Variants in ANGPT1 observed in about 807,000 individuals in gnomAD.
The protein encoded by ANGPT1 is angiopoietin-1.
In ANGPT1, 17 loss-of-function variants were observed where a neutral mutation model predicts 62.2. The observed-to-expected ratio is 0.27, with a 90% confidence interval of 0.19 to 0.41. The LOEUF is 0.41. ANGPT1 is among the 10% of genes least tolerant of loss of function. The pLI is 1.00. For synonymous variants in ANGPT1, 199 were observed against 198.9 expected (o/e 1.00, Z 0.00); for missense variants, 478 against 594.9 (o/e 0.80, Z 2.04).
At chr8:107,371,412 A>T (rs951695336) in intron 1 of ANGPT1, among the ~76,000 whole-genome samples, 1 of 151,978 alleles carries the variant, frequency 6.6e-6, no homozygotes, top group Non-Finnish European at 1.5e-5. Flanking sequence ...ATCACATCTC[A>T]TTGGAAGTTG....
chr8:107,410,391 C>T (rs951442043), intron 1 of ANGPT1, among the ~76,000 whole-genome samples: 2 of 152,138 alleles, frequency 1.3e-5, no homozygotes, highest in African/African-American at 4.8e-5. Context: ...TGCCCTTCCT[C>T]CCAAGTGCTG....
At chr8:107,488,431 C>T (rs1812871376) in intron 1 of ANGPT1, among the ~76,000 whole-genome samples, 1 of 152,112 alleles carries the variant, frequency 6.6e-6, no homozygotes, top group South Asian at 2.1e-4. Context: ...TAGAAGGAGG[C>T]CTCACTCCAC....
chr8:107,293,078 T>C (rs761214647), intron 6 of ANGPT1, among the ~76,000 whole-genome samples: 9 of 152,200 alleles, frequency 5.9e-5, no homozygotes, highest in Non-Finnish European at 1.2e-4. Flanking sequence ...ATTTCAACCC[T>C]TGCTCATCTC....
chr8:107,284,963 T>C (rs1453903048), intron 6 of ANGPT1, 115 bp from the exon 7 acceptor site: 2 of 842,236 alleles, frequency 2.4e-6, no homozygotes, highest in Non-Finnish European at 3.2e-6. Context: ...AAGGTTTTTG[T>C]TTTTTACATT....
intron 1 of ANGPT1, among the ~76,000 whole-genome samples, chr8:107,383,690 T>A (rs953987832): frequency 6.6e-6 from 1 of 152,134 alleles, no homozygotes; most frequent in African/African-American, 2.4e-5. Context: ...ATCAAAACTT[T>A]GGGAGAAACT....
At chr8:107,465,826 G>A (rs992353927) in intron 1 of ANGPT1, among the ~76,000 whole-genome samples, 4 of 152,136 alleles carry the variant, frequency 2.6e-5, no homozygotes, top group Admixed American at 6.6e-5. Context: ...TGGTTCTTCT[G>A]CCATCACACC....
At chr8:107,431,216 C>T (rs1394576158) in intron 1 of ANGPT1, among the ~76,000 whole-genome samples, 1 of 152,122 alleles carries the variant, frequency 6.6e-6, no homozygotes, top group African/African-American at 2.4e-5. Flanking sequence ...GTATATTGGT[C>T]AGTGATTTTG....
intron 2 of ANGPT1, among the ~76,000 whole-genome samples, chr8:107,343,397 C>A (rs1368771266): frequency 1.3e-5 from 2 of 152,138 alleles, no homozygotes; most frequent in Non-Finnish European, 2.9e-5. Flanking sequence ...ACAGTTCCAG[C>A]AAGGCTGATG....
At chr8:107,344,796 C>G (rs910371864) in intron 2 of ANGPT1, among the ~76,000 whole-genome samples, 2 of 152,072 alleles carry the variant, frequency 1.3e-5, no homozygotes, top group Non-Finnish European at 2.9e-5. Flanking sequence ...GAGAGCATGC[C>G]TGGATAGCAC....
At chr8:107,494,203 A>G (rs1813035186) in intron 1 of ANGPT1, among the ~76,000 whole-genome samples, 1 of 152,216 alleles carries the variant, frequency 6.6e-6, no homozygotes, top group South Asian at 2.1e-4. Context: ...ATACATATTT[A>G]AATCTAAATA....
chr8:107,340,556 T>C (rs1454256560), intron 2 of ANGPT1, among the ~76,000 whole-genome samples: 1 of 152,104 alleles, frequency 6.6e-6, no homozygotes, highest in Non-Finnish European at 1.5e-5. Context: ...CTCTTTTTTT[T>C]AGAGACAGAG....
chr8:107,372,193 G>C (rs1384909899), intron 1 of ANGPT1, among the ~76,000 whole-genome samples: 1 of 137,092 alleles, frequency 7.3e-6, no homozygotes, highest in Non-Finnish European at 1.6e-5. Flanking sequence ...ATATGTAGCA[G>C]AGCCTCAGTT....
intron 1 of ANGPT1, among the ~76,000 whole-genome samples, chr8:107,434,277 C>T (rs1035921267): frequency 1.1e-4 from 17 of 151,968 alleles, no homozygotes; most frequent in African/African-American, 3.6e-4. Context: ...TGTAATAGGC[C>T]GGGCGGGAAA....
intron 1 of ANGPT1, among the ~76,000 whole-genome samples, chr8:107,356,366 T>C (rs1162329203): frequency 2.6e-5 from 4 of 152,244 alleles, no homozygotes; most frequent in Non-Finnish European, 5.9e-5. Flanking sequence ...AGACTGCTTA[T>C]AACATAAGCA....
chr8:107,481,490 C>T (rs868088556), intron 1 of ANGPT1, among the ~76,000 whole-genome samples: 1 of 128,296 alleles, frequency 7.8e-6, no homozygotes. Flanking sequence ...GCCAAGATTA[C>T]ACCACTACAC....
chr8:107,448,270 T>C (rs1811670704), intron 1 of ANGPT1, among the ~76,000 whole-genome samples: 1 of 152,238 alleles, frequency 6.6e-6, no homozygotes, highest in Admixed American at 6.5e-5. Context: ...AATCTATTTC[T>C]CTACATTCCT....
intron 1 of ANGPT1, among the ~76,000 whole-genome samples, chr8:107,398,500 A>ATTTTTTTTTT (rs10556477): frequency 1.5e-5 from 2 of 132,766 alleles, no homozygotes; most frequent in Non-Finnish European, 1.6e-5. Flanking sequence ...TTTCTTTTCT[A>ATTTTTTTTTT]TTTTTTTTTT....
chr8:107,301,755 AG>A lies in ANGPT1; in HGVS notation c.936+1484del, dbSNP rs1430464953. ...TTTACCCCCTTATAGACAACATCAA[AG>A]GTATCTTTCAAGAAGAAAATTTTGT... On this transcript the variant is annotated intron_variant, in intron 5 of 8. Transcript: ENST00000517746. Among the ~76,000 whole-genome samples the A allele has an allele frequency of 4.6e-5, 7 of 152,046 alleles. No homozygotes were observed. In the East Asian group the frequency reaches 1.4e-3, roughly 29 times the overall value.
intron 1 of ANGPT1, among the ~76,000 whole-genome samples, chr8:107,443,568 G>A (rs1224638929): frequency 6.6e-6 from 1 of 151,988 alleles, no homozygotes; most frequent in African/African-American, 2.4e-5. Flanking sequence ...CAGCACTTTG[G>A]GAGGCTGAGG....
Sources: gnomAD v4.1 joint callset for allele counts (sites outside exome capture counted in the v4.1 genomes callset) on GRCh38, gnomAD v4.1.1 for gene constraint, MANE v1.5 for transcripts, NCBI Gene and HGNC (gene_info 2026-07-23, HGNC 2026-07-21) for gene names.